Variants in EHBP1 observed in about 807,000 individuals in gnomAD.
The protein encoded by EHBP1 is EH domain binding protein 1.
In EHBP1, 55 loss-of-function variants were observed where a neutral mutation model predicts 144.0. The observed-to-expected ratio is 0.38, with a 90% CI of 0.31 to 0.48. The LOEUF is 0.48. Ranked by LOEUF, EHBP1 falls within the 20% of genes least tolerant of loss-of-function variation. EHBP1 has a pLI of 0.98. For synonymous variants in EHBP1, 469 were observed against 472.7 expected, an observed-to-expected ratio of 0.99 and a Z score of 0.10; for missense variants, 1,200 against 1,364.2, an observed-to-expected ratio of 0.88 and a Z score of 1.90.
At chr2:62,983,739 A>G (rs1291748063) in intron 15 of EHBP1, among the ~76,000 whole-genome samples, 3 of 152,132 alleles carry the variant, frequency 2.0e-5, no homozygotes, top group Admixed American at 2.0e-4. Flanking sequence ...ACGGGGTTTC[A>G]CCATGTTGGC....
At chr2:62,703,016 T>C (rs1218678440), upstream of EHBP1, among the ~76,000 whole-genome samples, 1 of 152,174 alleles carries the variant, frequency 6.6e-6, no homozygotes, top group Admixed American at 6.5e-5. Flanking sequence ...CTGTAACTTT[T>C]ATGTACTATT....
At chr2:62,926,184 A>T (rs1292051770) in intron 10 of EHBP1, among the ~76,000 whole-genome samples, 1 of 152,158 alleles carries the variant, frequency 6.6e-6, no homozygotes, top group Non-Finnish European at 1.5e-5. Context: ...TGTGCTGGGA[A>T]AACTGGATAT....
At chr2:62,774,632 CAT>C (rs1311132632) in intron 5 of EHBP1, among the ~76,000 whole-genome samples, 2 of 152,024 alleles carry the variant, frequency 1.3e-5, no homozygotes, top group Non-Finnish European at 2.9e-5. Flanking sequence ...GTGTATAAAA[CAT>C]ATGATTCAAG....
In EHBP1 at chr2:62,681,519, T is replaced by C. The variant is rs983849453; in HGVS notation, c.-296+7436T>C. ...TTGCAATAGCACAATTCCATACTAT[T>C]GAGAGGCTTGATGATCTGAAGCCTG... On this transcript the variant is annotated intron_variant, in intron 1 of 22. Transcript: ENST00000405015. 1.9e-4 allele frequency among the ~76,000 whole-genome samples: 29 copies of C among 151,624 alleles called. 1 individual carries two copies. Among genetic ancestry groups the C allele is most frequent in the Admixed American group, 1.6e-3 (25 of 15,206 alleles).
At chr2:63,041,856 G>A (rs976666198) in intron 21 of EHBP1, among the ~76,000 whole-genome samples, 2 of 152,190 alleles carry the variant, frequency 1.3e-5, no homozygotes, top group East Asian at 3.9e-4. Flanking sequence ...CAAGGTTGAA[G>A]GTTTACTACA....
Position 62,993,954 on chromosome 2 carries a change from C to G in EHBP1, c.2956C>G (p.Pro986Ala). The change falls in exon 18 of 23, where the codon CCA becomes GCA. Residue 986 changes from proline (P) to alanine (A), a missense_variant. Around this residue, in one of 6 missense-constraint regions of EHBP1, gnomAD observed 543 missense variants for 513.1 expected, o/e 1.06. Transcript: ENST00000431489. ...KAAITETQRK[P>A]SEDEVLNKGF... ...AGCGATAACTGAAACTCAGAGGAAG[C>G]CATCAGAAGATGAAGTGCTTAATGT... 6.3e-7 allele frequency: 1 copy of G among 1,580,892 alleles called. No homozygotes were observed. The highest frequency in any genetic ancestry group is 8.6e-7 in the Non-Finnish European group (1 of 1,160,498).
chr2:63,018,878 A>G (rs751882110), intron 19 of EHBP1, among the ~76,000 whole-genome samples: 19 of 152,228 alleles, frequency 1.2e-4, no homozygotes, highest in Non-Finnish European at 2.4e-4. Context: ...TAGAAATTCC[A>G]GGAAAATGTG....
At chr2:62,825,399 G>A (rs903692099) in intron 5 of EHBP1, among the ~76,000 whole-genome samples, 17 of 152,140 alleles carry the variant, frequency 1.1e-4, no homozygotes, top group Admixed American at 3.9e-4. Flanking sequence ...TTCTATTTCT[G>A]ATGAATTGGC....
At chr2:62,902,658 CTG>C (rs1396320596) in intron 10 of EHBP1, among the ~76,000 whole-genome samples, 1 of 152,092 alleles carries the variant, frequency 6.6e-6, no homozygotes, top group Admixed American at 6.5e-5. Context: ...ATAGTTAAAA[CTG>C]TGAATATTGC....
At chr2:62,908,431 A>AT (rs2053963294) in intron 10 of EHBP1, among the ~76,000 whole-genome samples, 2 of 150,506 alleles carry the variant, frequency 1.3e-5, no homozygotes, top group African/African-American at 2.4e-5. Context: ...TTTTTTCTCT[A>AT]TTTTTTTCTT....
chr2:62,978,287 G>T (rs1231336224), intron 14 of EHBP1, among the ~76,000 whole-genome samples: 2 of 148,762 alleles, frequency 1.3e-5, no homozygotes, highest in Middle Eastern at 3.2e-3. Context: ...TGCAACCTCC[G>T]CCTCCTGGGT....
intron 13 of EHBP1, among the ~76,000 whole-genome samples, chr2:62,952,400 AATAG>A (rs2057438433): frequency 2.0e-5 from 3 of 152,206 alleles, no homozygotes; most frequent in East Asian, 1.9e-4. Context: ...TATTATTTAT[AATAG>A]ATAGTGTATT....
At chr2:62,687,957 T>A (rs1011525115) in intron 1 of EHBP1, among the ~76,000 whole-genome samples, 4 of 152,176 alleles carry the variant, frequency 2.6e-5, no homozygotes, top group Admixed American at 2.6e-4. Context: ...ACATTAACTA[T>A]CAGATGTGCC....
chr2:62,736,489 G>C (rs559510819), intron 2 of EHBP1, among the ~76,000 whole-genome samples: 2 of 152,178 alleles, frequency 1.3e-5, no homozygotes, highest in Non-Finnish European at 2.9e-5. Context: ...CTCGCAAAGC[G>C]CTGGGATTAT....
intron 5 of EHBP1, among the ~76,000 whole-genome samples, chr2:62,807,179 G>A (rs992050891): frequency 2.6e-5 from 4 of 152,200 alleles, no homozygotes; most frequent in Non-Finnish European, 5.9e-5. Context: ...GACAACATAC[G>A]CATAACAATA....
At chr2:62,834,378 A>C (rs993963827) in intron 7 of EHBP1, among the ~76,000 whole-genome samples, 4 of 152,216 alleles carry the variant, frequency 2.6e-5, no homozygotes, top group African/African-American at 9.6e-5. Context: ...TGTTTAGGAA[A>C]TGGCAACAAG....
chr2:62,960,846 C>G (rs1258545998), intron 14 of EHBP1, among the ~76,000 whole-genome samples: 2 of 152,176 alleles, frequency 1.3e-5, no homozygotes, highest in East Asian at 3.8e-4. Context: ...ATTACTTTTG[C>G]CACTTGGGTA....
At chr2:63,036,609 G>A (rs986945484) in intron 19 of EHBP1, among the ~76,000 whole-genome samples, 1 of 151,850 alleles carries the variant, frequency 6.6e-6, no homozygotes, top group Non-Finnish European at 1.5e-5. Flanking sequence ...CCAGTCATGG[G>A]AAAAATTCAG....
chr2:62,704,910 T>C (rs1008085489), upstream of EHBP1, among the ~76,000 whole-genome samples: 3 of 152,200 alleles, frequency 2.0e-5, no homozygotes, highest in African/African-American at 7.2e-5. Flanking sequence ...CCTTTTTATA[T>C]GCTAGCTGTT....
Sources: allele counts gnomAD v4.1 joint callset (sites outside exome capture counted in the v4.1 genomes callset), GRCh38; gene constraint gnomAD v4.1.1; regional missense constraint gnomAD v4.1.1; transcripts MANE v1.5; gene names NCBI Gene and HGNC (gene_info 2026-07-23, HGNC 2026-07-21).